WDPCP: variants seen among roughly 807,000 people sequenced by gnomAD.
WDPCP encodes the protein WD repeat containing planar cell polarity effector.
WDPCP carries 71 observed loss-of-function variants against 93.1 expected under a neutral mutation model. That is an observed-to-expected ratio of 0.76 (90% confidence interval 0.63 to 0.93). The LOEUF (loss-of-function observed/expected upper bound fraction) is 0.93, where lower values mean the gene tolerates loss of function less well. WDPCP is among the 40% of genes least tolerant of loss of function. The pLI is 0.00. For missense variants in WDPCP, 844 were observed against 887.4 expected (o/e 0.95, Z 0.62); for synonymous variants, 315 against 315.0 (o/e 1.00, Z 0.00).
intron 14 of WDPCP, among the ~76,000 whole-genome samples, chr2:63,188,810 T>C (rs758764200): frequency 6.6e-5 from 10 of 152,188 alleles, no homozygotes; most frequent in Non-Finnish European, 1.3e-4. Flanking sequence ...GGCAAATTTC[T>C]GGAGCTTAAT....
At chr2:63,648,092 C>T (rs1317777096) in intron 3 of WDPCP, among the ~76,000 whole-genome samples, 4 of 152,276 alleles carry the variant, frequency 2.6e-5, no homozygotes, top group South Asian at 4.1e-4. Flanking sequence ...TAAGACAGCC[C>T]GTCTGCCTAT....
At chr2:63,772,330 C>A (rs1670241335) in intron 2 of WDPCP, among the ~76,000 whole-genome samples, 1 of 151,982 alleles carries the variant, frequency 6.6e-6, no homozygotes, top group Non-Finnish European at 1.5e-5. Flanking sequence ...TGTATGTCTT[C>A]TTTTGAGAAG....
chr2:63,440,812 A>G (rs1697457007), intron 6 of WDPCP: 1 of 152,636 alleles, frequency 6.6e-6, no homozygotes, highest in African/African-American at 2.4e-5. Flanking sequence ...CATGCTAGCC[A>G]AATTCAAAGA....
chr2:63,376,135 A>G (rs927675461), intron 12 of WDPCP, among the ~76,000 whole-genome samples: 2 of 151,960 alleles, frequency 1.3e-5, no homozygotes, highest in Admixed American at 6.6e-5. Context: ...GTTCCAACTT[A>G]AGCTATCTCA....
At chr2:63,761,410 A>C (rs1430109867) in intron 2 of WDPCP, among the ~76,000 whole-genome samples, 1 of 152,198 alleles carries the variant, frequency 6.6e-6, no homozygotes, top group Non-Finnish European at 1.5e-5. Flanking sequence ...TTATAGCAAC[A>C]AAAAATGGAC....
chr2:63,586,016 G>A (rs1029298703), intron 1 of WDPCP, among the ~76,000 whole-genome samples: 1 of 151,904 alleles, frequency 6.6e-6, no homozygotes. Context: ...TTTTTGTAGA[G>A]ACAAGGTCTC....
chr2:63,257,749 T>C (rs7585088), intron 14 of WDPCP, among the ~76,000 whole-genome samples: 54,742 of 152,034 alleles, frequency 0.36, 12,498 homozygotes, highest in Non-Finnish European at 0.5. Context: ...TTTTGGTGAA[T>C]TGGGGAGTTT....
intron 2 of WDPCP, among the ~76,000 whole-genome samples, chr2:63,801,345 G>A (rs1193319495): frequency 2.0e-5 from 3 of 152,176 alleles, no homozygotes; most frequent in Non-Finnish European, 2.9e-5. Context: ...CAGTGGGTTC[G>A]TGGTCTCGCT....
At chr2:63,839,935 C>G in the WDPCP span, among the ~76,000 whole-genome samples, 1 of 152,134 alleles carries the variant, frequency 6.6e-6, no homozygotes, top group Non-Finnish European at 1.5e-5. Flanking sequence ...TTTTCACTAG[C>G]CTTTTCTGTG....
At chr2:63,678,505 C>T (rs1434954122) in intron 2 of WDPCP, among the ~76,000 whole-genome samples, 3 of 152,178 alleles carry the variant, frequency 2.0e-5, no homozygotes, top group African/African-American at 4.8e-5. Context: ...TTGAAGTAAG[C>T]CAGCCTACAG....
Position 63,263,700 on chromosome 2 carries a change from C to G in WDPCP, c.1813-4291G>C, listed in dbSNP as rs369642884. 3.9e-4 allele frequency among the ~76,000 whole-genome samples: 59 copies of G among 152,176 alleles called. 1 individual carries two copies. The highest frequency in any genetic ancestry group is 6.8e-3 in the Middle Eastern group (2 of 294). Reference sequence around the variant, plus strand: ...AATCAAGAAAATAAAACCCACTTGGCTGTATATTTCATTTTTATGTCCTTT... The same window carrying G: ...AATCAAGAAAATAAAACCCACTTGGGTGTATATTTCATTTTTATGTCCTTT... On this transcript the variant is annotated intron_variant, in intron 13 of 17. Transcript: ENST00000272321.
chr2:63,602,023 T>C (rs1709428433), intron 3 of WDPCP, among the ~76,000 whole-genome samples: 1 of 152,208 alleles, frequency 6.6e-6, no homozygotes. Flanking sequence ...AATAGCTGGG[T>C]ACCCCAGAAA....
At chr2:63,388,651 A>G (rs1692947917) in intron 10 of WDPCP, among the ~76,000 whole-genome samples, 1 of 152,216 alleles carries the variant, frequency 6.6e-6, no homozygotes, top group African/African-American at 2.4e-5. Context: ...AAAAACCTTG[A>G]AAAAAGTTAG....
intron 3 of WDPCP, chr2:63,597,577 G>A (rs531335478): frequency 2.2e-6 from 3 of 1,381,038 alleles, no homozygotes; most frequent in South Asian, 2.0e-5. Context: ...CAGTTAAGGT[G>A]ACCAATGCTG....
At chr2:63,420,232 A>C (rs1315578862) in intron 9 of WDPCP, among the ~76,000 whole-genome samples, 1 of 152,068 alleles carries the variant, frequency 6.6e-6, no homozygotes, top group African/African-American at 2.4e-5. Context: ...TTTTAATGAA[A>C]TAAATATTGG....
chr2:63,301,410 A>G (rs564216714), intron 13 of WDPCP, among the ~76,000 whole-genome samples: 2 of 152,268 alleles, frequency 1.3e-5, no homozygotes, highest in African/African-American at 2.4e-5. Flanking sequence ...ACCATTCTCT[A>G]TGGGTAAACG....
At chr2:63,213,966 T>G (rs1677072949) in intron 14 of WDPCP, among the ~76,000 whole-genome samples, 1 of 152,134 alleles carries the variant, frequency 6.6e-6, no homozygotes, top group African/African-American at 2.4e-5. Context: ...GCTCTGAAAT[T>G]GAGGCAATAA....
At chr2:63,568,577 C>G (rs2106455999) in intron 1 of WDPCP, among the ~76,000 whole-genome samples, 1 of 152,268 alleles carries the variant, frequency 6.6e-6, no homozygotes, top group Non-Finnish European at 1.5e-5. Flanking sequence ...CGAGAGTACA[C>G]CAAACAAAGG....
At chr2:63,292,127 C>T (rs575962960) in intron 13 of WDPCP, among the ~76,000 whole-genome samples, 27 of 111,140 alleles carry the variant, frequency 2.4e-4, no homozygotes, top group Middle Eastern at 4.3e-3. Flanking sequence ...AGCAAGACTC[C>T]GGCTCAAAAA....
Sources: gnomAD v4.1 joint callset for allele counts (sites outside exome capture counted in the v4.1 genomes callset) on GRCh38, gnomAD v4.1.1 for gene constraint, MANE v1.5 for transcripts, NCBI Gene and HGNC (gene_info 2026-07-23, HGNC 2026-07-21) for gene names.